The following VWA8 variants were observed in gnomAD, a reference collection of about 807,000 sequenced individuals.
The protein encoded by VWA8 is von Willebrand factor A domain-containing protein 8.
In VWA8, 221 loss-of-function variants were observed where a neutral mutation model predicts 241.5. That is an observed-to-expected ratio of 0.91 (90% CI 0.82 to 1.02). The LOEUF (loss-of-function observed/expected upper bound fraction) is 1.02, where lower values mean the gene tolerates loss of function less well. VWA8 is among the 50% of genes least tolerant of loss of function. The pLI is 0.00. For missense variants in VWA8, 2,322 were observed against 2,328.7 expected, an observed-to-expected ratio of 1.00 and a Z score of 0.06; for synonymous variants, 852 against 827.1, an observed-to-expected ratio of 1.03 and a Z score of -0.52.
At chr13:41,693,863 C>T (rs572735973) in intron 29 of VWA8, among the ~76,000 whole-genome samples, 1 of 151,892 alleles carries the variant, frequency 6.6e-6, no homozygotes, top group Non-Finnish European at 1.5e-5. Flanking sequence ...AAGGTACCTG[C>T]AAGTTATTTG....
intron 2 of VWA8, among the ~76,000 whole-genome samples, chr13:41,941,279 A>G (rs956870743): frequency 6.6e-6 from 1 of 152,244 alleles, no homozygotes; most frequent in African/African-American, 2.4e-5. Flanking sequence ...TCCCAATATA[A>G]TTAAGCATTT....
chr13:41,668,922 A>G (rs2045004275), intron 37 of VWA8, among the ~76,000 whole-genome samples: 1 of 152,206 alleles, frequency 6.6e-6, no homozygotes, highest in South Asian at 2.1e-4. Flanking sequence ...ATTCTGAATT[A>G]TACAACTTTA....
At chr13:41,816,581 G>A (rs1264839873) in intron 16 of VWA8, 117 bp downstream of exon 16, 2 of 938,216 alleles carry the variant, frequency 2.1e-6, no homozygotes, top group East Asian at 5.2e-5. Context: ...ATAGCATAAG[G>A]GATTCCAAAA....
At chr13:41,819,497 A>C (rs1870855562) in intron 14 of VWA8, 111 bp from the exon 15 acceptor site, 1 of 1,123,250 alleles carries the variant, frequency 8.9e-7, no homozygotes, top group Non-Finnish European at 1.2e-6. Flanking sequence ...TAATAATGTC[A>C]ATGTTATCAT....
chr13:41,886,730 G>A (rs781236581), intron 7 of VWA8, 51 bp downstream of exon 7: 1 of 1,438,838 alleles, frequency 7.0e-7, no homozygotes, highest in Non-Finnish European at 9.5e-7. Flanking sequence ...CAATGAACAG[G>A]CAAAACAAAT....
At chr13:41,883,308 A>G in intron 9 of VWA8, 79 bp downstream of exon 9, 1 of 1,098,536 alleles carries the variant, frequency 9.1e-7, no homozygotes, top group Non-Finnish European at 1.4e-6. Context: ...AGGTGGGGAA[A>G]GGAGTGAGGG....
intron 37 of VWA8, among the ~76,000 whole-genome samples, chr13:41,649,677 A>G (rs2044856906): frequency 6.6e-6 from 1 of 151,744 alleles, no homozygotes; most frequent in Non-Finnish European, 1.5e-5. Flanking sequence ...GTGAGGGGAG[A>G]ATGTTATTTT....
At chr13:41,687,210 A>G (rs1002957198) in intron 34 of VWA8, among the ~76,000 whole-genome samples, 1 of 152,088 alleles carries the variant, frequency 6.6e-6, no homozygotes, top group Non-Finnish European at 1.5e-5. Context: ...ATGCAGCACA[A>G]TTTATCAATT....
At chr13:41,792,156 C>T (rs1326068177) in intron 17 of VWA8, among the ~76,000 whole-genome samples, 1 of 151,902 alleles carries the variant, frequency 6.6e-6, no homozygotes, top group East Asian at 1.9e-4. Flanking sequence ...GCATAAATAT[C>T]TATTCATTCT....
At chr13:41,636,436 T>C (rs1475879820) in intron 37 of VWA8, among the ~76,000 whole-genome samples, 2 of 152,152 alleles carry the variant, frequency 1.3e-5, no homozygotes, top group African/African-American at 4.8e-5. Flanking sequence ...TCAAGATGGA[T>C]TAAAGACTTA....
intron 26 of VWA8, among the ~76,000 whole-genome samples, chr13:41,710,907 G>A (rs187089057): frequency 1.3e-5 from 2 of 152,302 alleles, no homozygotes; most frequent in Admixed American, 6.5e-5. Flanking sequence ...GTTGTTCTTT[G>A]TTAGAGAAGT....
intron 29 of VWA8, among the ~76,000 whole-genome samples, chr13:41,698,008 C>T (rs1242001255): frequency 6.6e-6 from 1 of 152,152 alleles, no homozygotes; most frequent in South Asian, 2.1e-4. Flanking sequence ...TTCCAGGTAC[C>T]TGTTCTCCTC....
At chr13:41,590,619 T>G (rs1433287149) in intron 41 of VWA8, 21 bp downstream of exon 41, 1 of 1,613,540 alleles carries the variant, frequency 6.2e-7, no homozygotes, top group South Asian at 1.1e-5. Flanking sequence ...GAGCTGAGGC[T>G]AGCAGTTCAC....
chr13:41,879,815 T>A (rs973072776), intron 9 of VWA8, among the ~76,000 whole-genome samples: 2 of 152,186 alleles, frequency 1.3e-5, no homozygotes, highest in Non-Finnish European at 2.9e-5. Context: ...TACCATTCCA[T>A]ATGCTTAACG....
chr13:41,826,667 T>A lies in VWA8; in HGVS notation c.1700+3862A>T, dbSNP rs59300672. On this transcript the variant is annotated intron_variant, in intron 14 of 44. Transcript: ENST00000379310. Reference sequence around the variant, plus strand: ...GGAGGATCCCTTGAGGCCAGCAGTTTAAGACATGCCTCAGCAACACAGTGA... The same window carrying A: ...GGAGGATCCCTTGAGGCCAGCAGTTAAAGACATGCCTCAGCAACACAGTGA... Among the ~76,000 whole-genome samples, 1,095 of 151,942 alleles carry A rather than the reference T, an allele frequency of 7.2e-3. 11 individuals are homozygous for A. Among genetic ancestry groups the A allele is most frequent in the Middle Eastern group, 0.024 (7 of 294 alleles).
chr13:41,656,991 G>C (rs901110762), intron 37 of VWA8, among the ~76,000 whole-genome samples: 2 of 152,040 alleles, frequency 1.3e-5, no homozygotes, highest in African/African-American at 4.8e-5. Context: ...CAAACTCTAG[G>C]GGTGGAGACA....
chr13:41,881,877 CGG>C (rs1566492894), intron 9 of VWA8, among the ~76,000 whole-genome samples: 2 of 143,096 alleles, frequency 1.4e-5, no homozygotes, highest in African/African-American at 2.6e-5. Flanking sequence ...ACCTCCCTCC[CGG>C]ACGGGGCGGC....
chr13:41,908,882 G>A (rs1304420718), intron 3 of VWA8, among the ~76,000 whole-genome samples: 5 of 152,170 alleles, frequency 3.3e-5, no homozygotes, highest in Non-Finnish European at 5.9e-5. Flanking sequence ...AATGGAAAAT[G>A]GGAATGAACA....
At chr13:41,616,751 A>C (rs2044622869) in intron 37 of VWA8, among the ~76,000 whole-genome samples, 1 of 152,172 alleles carries the variant, frequency 6.6e-6, no homozygotes, top group Admixed American at 6.5e-5. Context: ...TGAGGACCTG[A>C]ATTTTAAATT....
Sources: gnomAD v4.1 joint callset for allele counts (sites outside exome capture counted in the v4.1 genomes callset) on GRCh38, gnomAD v4.1.1 for gene constraint, MANE v1.5 for transcripts, NCBI Gene and HGNC (gene_info 2026-07-23, HGNC 2026-07-21) for gene names.